Variants in SI observed in about 807,000 individuals in gnomAD.
SI encodes sucrase-isomaltase, intestinal.
SI carries 235 observed loss-of-function variants against 253.3 expected under a neutral mutation model. The observed-to-expected ratio is 0.93, with a 90% CI of 0.83 to 1.03. The LOEUF (loss-of-function observed/expected upper bound fraction) is 1.03. SI is among the 50% of genes least tolerant of loss of function. The pLI is 0.00. For synonymous variants in SI, 819 were observed against 712.0 expected, an observed-to-expected ratio of 1.15 and a Z score of -2.39; for missense variants, 2,442 against 2,211.1, an observed-to-expected ratio of 1.10 and a Z score of -2.09.
At chr3:165,024,710 A>C (rs1711810574) in intron 25 of SI, among the ~76,000 whole-genome samples, 1 of 151,318 alleles carries the variant, frequency 6.6e-6, no homozygotes, top group Admixed American at 6.6e-5. Context: ...TATTTTTAAC[A>C]GCATAAACTG....
chr3:165,042,674 T>C (rs1310787168), intron 17 of SI, among the ~76,000 whole-genome samples: 2 of 152,112 alleles, frequency 1.3e-5, no homozygotes, highest in Middle Eastern at 3.2e-3. Context: ...AAACTCAAAA[T>C]CCATGACAGT....
intron 37 of SI, among the ~76,000 whole-genome samples, chr3:165,006,229 C>A (rs551053646): frequency 4.5e-4 from 69 of 152,322 alleles, no homozygotes; most frequent in African/African-American, 1.6e-3. Context: ...GTGCCTCAGC[C>A]TCCCGAGTAA....
chr3:165,062,588 AAT>A (rs1290372300), intron 8 of SI, 105 bp from the exon 9 acceptor site: 92 of 643,810 alleles, frequency 1.4e-4, no homozygotes, highest in Non-Finnish European at 2.3e-4. Flanking sequence ...ATTATTTTAC[AAT>A]ATGTTTAAAT....
At position 165,032,612 on chromosome 3, in the gene SI, C is replaced by A; in HGVS notation, c.2646G>T (p.Gly882=). The change falls in exon 24 of 48, where the codon GGG becomes GGT. Residue 882 remains glycine (G), a synonymous_variant. Transcript: ENST00000264382. The stretch of plus-strand genomic sequence containing the variant: ...TAACTTCTGTAACACTGTCTGTCAA[C>A]CCAAGGATTTTTACAGTCTGAAATG... The part of the protein sequence containing the change: ...TLAFQTVKIL[G]LTDSVTEVRV... 6.2e-7 allele frequency: 1 copy of A among 1,608,816 alleles called. No individual in the cohort carries two copies. Among genetic ancestry groups the A allele is most frequent in the Non-Finnish European group, 8.5e-7 (1 of 1,176,436 alleles).
chr3:165,049,648 C>T lies in SI; in HGVS notation c.1597+143G>A, dbSNP rs1256759247. ...ATAATCCTAGGCAGAAAATATTTGT[C>T]TGAAGAAAAGATAAACAAATTGATT... On this transcript the variant is annotated intron_variant, in intron 14 of 47. Coordinates refer to ENST00000264382, the MANE Select transcript of SI (RefSeq NM_001041.4). 33 of 616,906 alleles carry T rather than the reference C, an allele frequency of 5.3e-5. No homozygotes were observed. In the East Asian group the frequency reaches 8.8e-4, roughly 16 times the overall value. The allele number at this position is 616,906 out of a possible 1,614,324, so 38.2% of individuals were successfully genotyped here.
intron 9 of SI, 54 bp from the exon 10 acceptor site, chr3:165,060,081 T>C: frequency 1.3e-6 from 2 of 1,512,200 alleles, no homozygotes; most frequent in Non-Finnish European, 9.1e-7. Context: ...ATATTTAGCA[T>C]TAATAACCAA....
In SI at chr3:165,021,379, T is replaced by A. The variant is rs1472239874; in HGVS notation, c.3104A>T (p.Tyr1035Phe). 1.2e-6 allele frequency: 2 copies of A among 1,609,462 alleles called. No individual in the cohort carries two copies. The highest frequency in any genetic ancestry group is 1.7e-6 in the Non-Finnish European group (2 of 1,176,568). ...TTCATATCTCTTCTTTTGGGGATCA[T>A]AAATCTATTGCAGATAAGTAGTAAA... ...HKNDMLQFKI[Y>F]DPQKKRYEVP... Residue 1035 changes from tyrosine (Y) to phenylalanine (F), a missense_variant, in exon 27 of 48, where the codon TAT becomes TTT. By Grantham distance (22) the Tyr-to-Phe change is conservative. Coordinates refer to ENST00000264382, the MANE Select transcript of SI (RefSeq NM_001041.4).
chr3:165,088,501 G>T, the SI span, among the ~76,000 whole-genome samples: 1 of 151,750 alleles, frequency 6.6e-6, no homozygotes, highest in Admixed American at 6.6e-5. Context: ...AAATTAGCTA[G>T]GCAGTGGTGT....
chr3:165,059,361 T>A (rs2108249080), intron 10 of SI, 62 bp from the exon 11 acceptor site: 4 of 1,483,198 alleles, frequency 2.7e-6, no homozygotes, highest in African/African-American at 1.4e-5. Flanking sequence ...ATCAAGTCAA[T>A]CTTTAACTCC....
At chr3:165,079,047 AT>A (rs1053595565), upstream of SI, among the ~76,000 whole-genome samples, 1 of 151,624 alleles carries the variant, frequency 6.6e-6, no homozygotes, top group African/African-American at 2.4e-5. Flanking sequence ...TAAAATCAAC[AT>A]TTTTATCTAT....
In SI at chr3:165,059,288, G is replaced by T; in HGVS notation, c.1158C>A (p.Val386=). The T allele has an allele frequency of 6.2e-7, 1 of 1,612,270 alleles. No individual in the cohort carries two copies. The highest frequency in any genetic ancestry group is 8.5e-7 in the Non-Finnish European group (1 of 1,178,808). ...REAGIPFDTQ[V]TDIDYMEDKK... ...TGTCTTCCATGTAGTCAATATCAGT[G>T]ACCTGTGTATCCTGAAAGTTAGAAG... is the stretch of plus-strand genomic sequence containing the variant. The change falls in exon 11 of 48, where the codon GTC becomes GTA. Residue 386 remains valine (V), a synonymous_variant. Coordinates refer to ENST00000264382, the MANE Select transcript of SI (RefSeq NM_001041.4).
rs1186901766 is a variant in SI at position 165,023,736 on chromosome 3, C to T, written c.2933G>A (p.Arg978Lys). The T allele has an allele frequency of 6.2e-7, 1 of 1,610,488 alleles. No individual in the cohort carries two copies. The highest frequency in any genetic ancestry group is 1.1e-5 in the South Asian group (1 of 91,038). Residue 978 changes from arginine to lysine, a missense_variant, in exon 26 of 48, where the codon AGA becomes AAA. By Grantham distance (26) the Arg-to-Lys change is conservative. Coordinates refer to ENST00000264382, the MANE Select transcript of SI (RefSeq NM_001041.4). ...LSKAPECYFPRQDNSYSVNSA... is the reference protein window; with the variant it reads ...LSKAPECYFPKQDNSYSVNSA... ...GTTGACTGAATAAGAGTTATCTTGTCTGGGAAAGTAACACTCAGGTGCTTT... is the reference window on the plus strand; with the variant it reads ...GTTGACTGAATAAGAGTTATCTTGTTTGGGAAAGTAACACTCAGGTGCTTT...
intron 1 of SI, 41 bp from the exon 2 acceptor site, chr3:165,076,053 A>G (rs769088305): frequency 1.1e-5 from 14 of 1,284,926 alleles, no homozygotes; most frequent in Non-Finnish European, 1.4e-5. Flanking sequence ...TGTAAAATAT[A>G]TAACTATAAT....
chr3:165,068,805 G>T lies in SI; in HGVS notation c.400C>A (p.Pro134Thr). ...TCATTTCCAAATAGTGTAGGTGAAG[G>T]TATCCTGTTTAATTTGGCTTCAACT... ...IGVEAKLNRI[P>T]SPTLFGNDIN... is the part of the protein sequence containing the mutation. The change falls in exon 5 of 48, where the codon CCT becomes ACT. Residue 134 changes from proline to threonine, a missense_variant. By Grantham distance (38) the Pro-to-Thr change is conservative. Coordinates refer to ENST00000264382, the MANE Select transcript of SI (RefSeq NM_001041.4). 1 of 1,611,674 alleles carries T rather than the reference G, an allele frequency of 6.2e-7. No homozygotes were observed. The highest frequency in any genetic ancestry group is 8.5e-7 in the Non-Finnish European group (1 of 1,179,202).
intron 13 of SI, among the ~76,000 whole-genome samples, chr3:165,052,596 G>T (rs1035200792): frequency 3.3e-5 from 5 of 152,046 alleles, no homozygotes; most frequent in Non-Finnish European, 5.9e-5. Flanking sequence ...GGCGGAGGTT[G>T]CAGTGAGCCA....
chr3:164,997,627 C>T lies in SI; in HGVS notation c.4541-855G>A, dbSNP rs376042945. The stretch of plus-strand genomic sequence containing the variant: ...AGTACTTGACAGGCTGTTACTCAAT[C>T]CTCACCCTCCTCCCACGCCACAACT... On this transcript the variant is annotated intron_variant, in intron 38 of 47. Coordinates refer to ENST00000264382, the MANE Select transcript of SI (RefSeq NM_001041.4). Among the ~76,000 whole-genome samples the T allele has an allele frequency of 2.6e-5, 4 of 151,608 alleles. No individual in the cohort carries two copies. The East Asian group carries it at 5.8e-4, about 22-fold the overall frequency.
chr3:164,999,202 A>G (rs1276674449), intron 37 of SI, among the ~76,000 whole-genome samples: 1 of 151,652 alleles, frequency 6.6e-6, no homozygotes, highest in African/African-American at 2.4e-5. Flanking sequence ...CAAGTGTAGA[A>G]TCTATTGGGA....
intron 1 of SI, among the ~76,000 whole-genome samples, chr3:165,077,235 A>T (rs1217166175): frequency 6.6e-6 from 1 of 151,436 alleles, no homozygotes; most frequent in African/African-American, 2.4e-5. Context: ...ATCCCTCCCC[A>T]TCCACTCTTC....
chr3:164,988,629 C>A (rs555864678), intron 44 of SI, among the ~76,000 whole-genome samples: 2 of 152,112 alleles, frequency 1.3e-5, no homozygotes, highest in African/African-American at 2.4e-5. Context: ...TTAGAAGATT[C>A]TGTTCATGCC....
Sources: allele counts gnomAD v4.1 joint callset (sites outside exome capture counted in the v4.1 genomes callset), GRCh38; gene constraint gnomAD v4.1.1; transcripts MANE v1.5; gene names NCBI Gene and HGNC (gene_info 2026-07-23, HGNC 2026-07-21).